Variants in EIF4G3 observed in about 807,000 individuals in gnomAD.
EIF4G3 encodes the protein eIF-4-gamma 3.
In EIF4G3, 34 loss-of-function variants were observed where a neutral mutation model predicts 186.4. The observed-to-expected ratio is 0.18, with a 90% confidence interval of 0.14 to 0.24. The LOEUF (loss-of-function observed/expected upper bound fraction) is 0.24. Among genes scored for constraint, EIF4G3 ranks in the 10% least tolerant of loss-of-function variants. The pLI, the probability that EIF4G3 is intolerant of heterozygous loss-of-function variation, is 1.00. For synonymous variants in EIF4G3, 673 were observed against 679.5 expected (o/e 0.99, Z 0.15); for missense variants, 1,536 against 1,948.5 (o/e 0.79, Z 3.99).
At chr1:20,875,036 T>C (rs959403875) in intron 20 of EIF4G3, among the ~76,000 whole-genome samples, 4 of 152,198 alleles carry the variant, frequency 2.6e-5, no homozygotes, top group Non-Finnish European at 4.4e-5. Flanking sequence ...GTAAGTACCA[T>C]AGTATTATCA....
intron 4 of EIF4G3, among the ~76,000 whole-genome samples, chr1:21,010,250 A>G (rs2086592968): frequency 6.6e-6 from 1 of 151,898 alleles, no homozygotes; most frequent in African/African-American, 2.4e-5. Flanking sequence ...GTTCGAGACC[A>G]GCCTGGCCAA....
intron 4 of EIF4G3, among the ~76,000 whole-genome samples, chr1:21,044,016 C>T (rs1346064055): frequency 6.6e-6 from 1 of 152,092 alleles, no homozygotes; most frequent in East Asian, 1.9e-4. Context: ...AAGAGCTGAA[C>T]ACTCTTCCAA....
chr1:20,945,505 G>A (rs566161028), intron 13 of EIF4G3, among the ~76,000 whole-genome samples: 8 of 152,128 alleles, frequency 5.3e-5, no homozygotes, highest in African/African-American at 1.4e-4. Flanking sequence ...TTGCTCTGTC[G>A]CCTAGGCTGG....
At chr1:21,170,099 C>T (rs531699469) in intron 2 of EIF4G3, among the ~76,000 whole-genome samples, 4 of 152,090 alleles carry the variant, frequency 2.6e-5, no homozygotes, top group South Asian at 2.1e-4. Context: ...CACTTGAATC[C>T]AGGAGGCGGA....
chr1:20,861,146 A>G (rs1189734088), intron 23 of EIF4G3, among the ~76,000 whole-genome samples: 1 of 152,260 alleles, frequency 6.6e-6, no homozygotes, highest in Non-Finnish European at 1.5e-5. Flanking sequence ...GGTTGATAAC[A>G]TGGGTGAAGA....
At chr1:20,936,823 C>T (rs2095531347) in intron 14 of EIF4G3, among the ~76,000 whole-genome samples, 1 of 152,160 alleles carries the variant, frequency 6.6e-6, no homozygotes, top group East Asian at 1.9e-4. Context: ...GAGAAAGCAG[C>T]AACTTGATTG....
chr1:21,068,626 C>T (rs1007591562), intron 3 of EIF4G3, among the ~76,000 whole-genome samples: 1 of 152,158 alleles, frequency 6.6e-6, no homozygotes, highest in Non-Finnish European at 1.5e-5. Context: ...ACCTGGATAA[C>T]TTTGGGCAGG....
At chr1:20,882,552 C>T (rs1318836580) in intron 19 of EIF4G3, among the ~76,000 whole-genome samples, 7 of 150,282 alleles carry the variant, frequency 4.7e-5, no homozygotes, top group Non-Finnish European at 7.4e-5. Flanking sequence ...ACCCAGGAGG[C>T]GGAGGTTGCA....
intron 13 of EIF4G3, among the ~76,000 whole-genome samples, chr1:20,948,119 T>C (rs1005455123): frequency 1.3e-4 from 20 of 152,202 alleles, no homozygotes; most frequent in Non-Finnish European, 1.5e-5. Flanking sequence ...AAGTATTCAA[T>C]ATGCTTAGCA....
chr1:20,920,205 C>T (rs533402276), intron 14 of EIF4G3, among the ~76,000 whole-genome samples: 3 of 152,206 alleles, frequency 2.0e-5, no homozygotes, highest in Non-Finnish European at 2.9e-5. Context: ...TGCGTCCGGT[C>T]GAGATATTTT....
chr1:21,104,242 T>C (rs550295583), intron 2 of EIF4G3, among the ~76,000 whole-genome samples: 6 of 152,322 alleles, frequency 3.9e-5, no homozygotes, highest in Admixed American at 2.6e-4. Flanking sequence ...TTGAAAGCAC[T>C]AGTAACATCC....
At chr1:21,009,401 A>G (rs6688147) in intron 4 of EIF4G3, among the ~76,000 whole-genome samples, 66,513 of 151,854 alleles carry the variant, frequency 0.44, 14,942 homozygotes, top group Non-Finnish European at 0.47. Flanking sequence ...GTCTGGTCTC[A>G]AATTCCTGGC....
chr1:21,099,204 G>C (rs975867175), intron 2 of EIF4G3, among the ~76,000 whole-genome samples: 1 of 152,154 alleles, frequency 6.6e-6, no homozygotes, highest in Non-Finnish European at 1.5e-5. Context: ...AAAGCAGTTT[G>C]GCAGTTTCTT....
chr1:21,121,303 T>C (rs113950494), intron 2 of EIF4G3, among the ~76,000 whole-genome samples: 162 of 152,324 alleles, frequency 1.1e-3, no homozygotes, highest in African/African-American at 3.8e-3. Flanking sequence ...ATAATAAATG[T>C]AAATACTTCC....
At chr1:21,056,980 A>C (rs2094589867) in intron 3 of EIF4G3, among the ~76,000 whole-genome samples, 1 of 152,230 alleles carries the variant, frequency 6.6e-6, no homozygotes, top group African/African-American at 2.4e-5. Flanking sequence ...TATGCCCGAG[A>C]AACATTTTTG....
At chr1:20,932,196 T>G (rs1348471139) in intron 14 of EIF4G3, among the ~76,000 whole-genome samples, 1 of 152,180 alleles carries the variant, frequency 6.6e-6, no homozygotes, top group Non-Finnish European at 1.5e-5. Context: ...CTTCTGCAGC[T>G]TCCTCACCTC....
chr1:21,120,221 T>C (rs963415247), intron 2 of EIF4G3, among the ~76,000 whole-genome samples: 1 of 151,336 alleles, frequency 6.6e-6, no homozygotes, highest in Non-Finnish European at 1.5e-5. Flanking sequence ...AATTTATCAA[T>C]CCAGTCCATC....
rs1225304190 is a variant in EIF4G3 at position 20,870,116 on chromosome 1, C to A, written c.2623-4854G>T. On this transcript the variant is annotated intron_variant, in intron 20 of 36. Transcript: ENST00000602326. ...ATAAAATCTTCCATCAGGACAGTTA[C>A]AAATCCCTCCTCCTCCAGTTGACCG... Among the ~76,000 whole-genome samples, 4 of 152,118 alleles carry A rather than the reference C, an allele frequency of 2.6e-5. No individual in the cohort carries two copies. In the South Asian group the frequency reaches 6.2e-4, roughly 24 times the overall value.
chr1:21,059,397 T>C (rs2094761215), intron 3 of EIF4G3, among the ~76,000 whole-genome samples: 1 of 152,202 alleles, frequency 6.6e-6, no homozygotes, highest in Admixed American at 6.5e-5. Context: ...AGGTCATTTA[T>C]TTCCCCAAAT....
Sources: gnomAD v4.1 joint callset for allele counts (sites outside exome capture counted in the v4.1 genomes callset) on GRCh38, gnomAD v4.1.1 for gene constraint, MANE v1.5 for transcripts, NCBI Gene and HGNC (gene_info 2026-07-23, HGNC 2026-07-21) for gene names.